The following GLIS1 variants were observed in gnomAD, a reference collection of about 807,000 sequenced individuals.
GLIS1 encodes the protein zinc finger protein GLIS1.
Under a neutral mutation model 63.8 loss-of-function variants are expected in GLIS1, and 24 were observed. The observed-to-expected ratio is 0.38, with a 90% CI of 0.27 to 0.53. The LOEUF is 0.53. Among genes scored for constraint, GLIS1 ranks in the 20% least tolerant of loss-of-function variants. The pLI is 0.85. For missense variants in GLIS1, 1,036 were observed against 1,074.1 expected (o/e 0.96, Z 0.50); for synonymous variants, 450 against 482.5 (o/e 0.93, Z 0.88).
At chr1:53,517,815 G>A (rs535461305) in intron 7 of GLIS1, among the ~76,000 whole-genome samples, 44 of 152,260 alleles carry the variant, frequency 2.9e-4, no homozygotes, top group Admixed American at 1.1e-3. Flanking sequence ...CCCCTGCCCC[G>A]GGGCCAGGTC....
intron 4 of GLIS1, among the ~76,000 whole-genome samples, chr1:53,580,086 C>T (rs1242155136): frequency 6.6e-6 from 1 of 152,160 alleles, no homozygotes; most frequent in Non-Finnish European, 1.5e-5. Flanking sequence ...CCAGGAGCCC[C>T]TGGGGCAGAG....
intron 2 of GLIS1, among the ~76,000 whole-genome samples, chr1:53,690,667 CCT>C (rs779862964): frequency 5.3e-5 from 8 of 152,318 alleles, no homozygotes; most frequent in East Asian, 3.9e-4. Context: ...ATGATTAACC[CCT>C]GTTTTCGGCT....
Position 53,566,631 on chromosome 1 carries a change from G to T in GLIS1, c.1320+27477C>A, listed in dbSNP as rs144425759. Among the ~76,000 whole-genome samples, 705 of 152,302 alleles carry T rather than the reference G, an allele frequency of 4.6e-3. 6 individuals are homozygous for T. The highest frequency in any genetic ancestry group is 0.016 in the African/African-American group (662 of 41,544). On this transcript the variant is annotated intron_variant, in intron 4 of 10. Transcript: ENST00000628545. ...CCCCATATTTCGGGGGAAGGGCCTGGTGGGAGGTGACTGGATCATGGGGTA... is the reference window on the plus strand; with the variant it reads ...CCCCATATTTCGGGGGAAGGGCCTGTTGGGAGGTGACTGGATCATGGGGTA...
intron 2 of GLIS1, among the ~76,000 whole-genome samples, chr1:53,705,855 A>G (rs1646573988): frequency 6.6e-6 from 1 of 152,206 alleles, no homozygotes. Flanking sequence ...GAGCTTTCCC[A>G]TCAATGCTCC....
chr1:53,615,510 G>A (rs1230912102), intron 2 of GLIS1, among the ~76,000 whole-genome samples: 1 of 152,164 alleles, frequency 6.6e-6, no homozygotes, highest in Non-Finnish European at 1.5e-5. Context: ...GCTGGTAGAA[G>A]AAGGCACTGA....
At chr1:53,644,468 G>A (rs1170778144) in intron 2 of GLIS1, among the ~76,000 whole-genome samples, 1 of 152,184 alleles carries the variant, frequency 6.6e-6, no homozygotes, top group African/African-American at 2.4e-5. Context: ...TGCCCTCCTG[G>A]AGCTTCCGTA....
Position 53,563,142 on chromosome 1 carries a change from C to T in GLIS1, c.1320+30966G>A, listed in dbSNP as rs536398271. ...GGTGGGGTTCCCCCAAGGGCAGGTA[C>T]TCAACTCAGGCCTCCAGTGTGTCCA... On this transcript the variant is annotated intron_variant, in intron 4 of 10. Transcript: ENST00000628545. Among the ~76,000 whole-genome samples the T allele has an allele frequency of 2.0e-5, 3 of 152,392 alleles. No homozygotes were observed. The East Asian group carries it at 5.8e-4, about 29-fold the overall frequency.
intron 2 of GLIS1, among the ~76,000 whole-genome samples, chr1:53,633,315 G>C (rs1322599706): frequency 1.4e-5 from 2 of 147,720 alleles, no homozygotes; most frequent in African/African-American, 5.0e-5. Context: ...GAGTGTGACT[G>C]GGGGGCGTGT....
At chr1:53,734,061 C>T in intron 2 of GLIS1, 1 of 861,760 alleles carries the variant, frequency 1.2e-6, no homozygotes, top group Non-Finnish European at 1.4e-6. Flanking sequence ...TCTACAATTC[C>T]TTTTTTTTTT....
intron 2 of GLIS1, among the ~76,000 whole-genome samples, chr1:53,617,119 C>T (rs557725104): frequency 1.1e-3 from 173 of 152,210 alleles, no homozygotes; most frequent in African/African-American, 3.9e-3. Context: ...GAACAACAGG[C>T]CCTCAGACAT....
chr1:53,521,452 C>T (rs1459361459), intron 6 of GLIS1, among the ~76,000 whole-genome samples: 1 of 152,140 alleles, frequency 6.6e-6, no homozygotes, highest in Non-Finnish European at 1.5e-5. Context: ...TCTTCTTACT[C>T]CCTGTGTAAT....
At position 53,597,969 on chromosome 1, in the gene GLIS1, T is replaced by C. The variant is rs1473305848; in HGVS notation, c.437+2132A>G. On this transcript the variant is annotated intron_variant, in intron 3 of 10. Coordinates refer to ENST00000628545, the MANE Select transcript of GLIS1 (RefSeq NM_001367484.1). Reference sequence around the variant, plus strand: ...TTAGCACAGCTTCTACCCTGAGAGATAATAGAATGAATTTCACCAGGGAAA... The same window carrying C: ...TTAGCACAGCTTCTACCCTGAGAGACAATAGAATGAATTTCACCAGGGAAA... Among the ~76,000 whole-genome samples the C allele has an allele frequency of 4.6e-5, 7 of 152,140 alleles. No individual in the cohort carries two copies. The East Asian group carries it at 1.2e-3, about 25-fold the overall frequency.
At chr1:53,704,979 G>C (rs1335291601) in intron 2 of GLIS1, among the ~76,000 whole-genome samples, 1 of 152,238 alleles carries the variant, frequency 6.6e-6, no homozygotes, top group Non-Finnish European at 1.5e-5. Context: ...AGTAAAGTGA[G>C]GCCAGGGGAG....
At chr1:53,544,997 C>T (rs1644683471) in intron 4 of GLIS1, among the ~76,000 whole-genome samples, 1 of 152,230 alleles carries the variant, frequency 6.6e-6, no homozygotes, top group Non-Finnish European at 1.5e-5. Flanking sequence ...AAGGCTTCCC[C>T]TGCCACCAGC....
chr1:53,713,183 G>A (rs529898753), intron 2 of GLIS1, among the ~76,000 whole-genome samples: 1 of 150,028 alleles, frequency 6.7e-6, no homozygotes, highest in Non-Finnish European at 1.5e-5. Context: ...GGGCAACATG[G>A]TGAGACCTCA....
chr1:53,537,377 C>A (rs922098793), intron 4 of GLIS1, among the ~76,000 whole-genome samples: 13 of 152,194 alleles, frequency 8.5e-5, no homozygotes, highest in Non-Finnish European at 7.3e-5. Context: ...GGTGATGGCT[C>A]TTCTCTCCCT....
intron 2 of GLIS1, among the ~76,000 whole-genome samples, chr1:53,707,952 C>T (rs775538089): frequency 2.0e-5 from 3 of 151,662 alleles, no homozygotes; most frequent in Non-Finnish European, 4.4e-5. Context: ...ACATGCAAAG[C>T]CATCCAACCT....
intron 4 of GLIS1, among the ~76,000 whole-genome samples, chr1:53,554,596 C>T (rs1308560409): frequency 6.6e-6 from 1 of 152,168 alleles, no homozygotes; most frequent in Non-Finnish European, 1.5e-5. Flanking sequence ...CAGTGCTAAC[C>T]AATATGGACT....
At chr1:53,640,006 G>C (rs1481492381) in intron 2 of GLIS1, among the ~76,000 whole-genome samples, 1 of 152,196 alleles carries the variant, frequency 6.6e-6, no homozygotes, top group Non-Finnish European at 1.5e-5. Flanking sequence ...AAATATATAT[G>C]AGGTGCTTCC....
Sources: allele counts gnomAD v4.1 joint callset (sites outside exome capture counted in the v4.1 genomes callset), GRCh38; gene constraint gnomAD v4.1.1; transcripts MANE v1.5; gene names NCBI Gene and HGNC (gene_info 2026-07-23, HGNC 2026-07-21).